The following C10orf90 variants were observed in gnomAD, a reference collection of about 807,000 sequenced individuals.
The protein encoded by C10orf90 is chromosome 10 open reading frame 90.
A neutral mutation model predicts 62.5 loss-of-function variants in C10orf90; 56 were observed. The ratio of observed to expected loss-of-function variants is 0.90; its 90% CI spans 0.72 to 1.12. C10orf90 has a LOEUF of 1.12. Ranked by LOEUF, C10orf90 falls within the 50% of genes most tolerant of loss-of-function variation. C10orf90 has a pLI of 0.00. For synonymous variants in C10orf90, 386 were observed against 340.4 expected (o/e 1.13, Z -1.47); for missense variants, 970 against 880.4 (o/e 1.10, Z -1.29).
chr10:126,538,916 A>T (rs138478465), intron 2 of C10orf90, among the ~76,000 whole-genome samples: 1 of 152,360 alleles, frequency 6.6e-6, no homozygotes, highest in African/African-American at 2.4e-5. Flanking sequence ...AGGCACGATG[A>T]AATATTTAAT....
At chr10:126,651,843 G>A (rs1040185233) in intron 1 of C10orf90, among the ~76,000 whole-genome samples, 14 of 152,326 alleles carry the variant, frequency 9.2e-5, no homozygotes, top group Middle Eastern at 6.8e-3. Context: ...GATAAAGATA[G>A]ACATTATTGG....
chr10:126,499,124 C>T (rs904467509), intron 4 of C10orf90, among the ~76,000 whole-genome samples: 3 of 152,190 alleles, frequency 2.0e-5, no homozygotes, highest in Middle Eastern at 3.2e-3. Flanking sequence ...TGGCAACAGC[C>T]ACATTTATGT....
intron 2 of C10orf90, among the ~76,000 whole-genome samples, chr10:126,584,010 C>T (rs905979820): frequency 6.6e-6 from 1 of 152,020 alleles, no homozygotes; most frequent in East Asian, 1.9e-4. Context: ...GTCCCAGCTA[C>T]CGGGGAGGCT....
chr10:126,573,781 A>G (rs959845814), intron 2 of C10orf90, among the ~76,000 whole-genome samples: 3 of 152,150 alleles, frequency 2.0e-5, no homozygotes, highest in Non-Finnish European at 4.4e-5. Flanking sequence ...AAAGTCTGGC[A>G]TGAGGAAACT....
At chr10:126,668,632 C>A (rs755242014) in intron 1 of C10orf90, among the ~76,000 whole-genome samples, 2 of 152,180 alleles carry the variant, frequency 1.3e-5, no homozygotes, top group African/African-American at 4.8e-5. Context: ...CAAATCCCAT[C>A]TGATGGTTTT....
intron 4 of C10orf90, among the ~76,000 whole-genome samples, chr10:126,492,681 T>A (rs565881386): frequency 6.6e-6 from 1 of 152,342 alleles, no homozygotes; most frequent in African/African-American, 2.4e-5. Flanking sequence ...GAACATTCAA[T>A]ATCTTTCTGA....
At chr10:126,584,798 A>C (rs1844827125) in intron 2 of C10orf90, among the ~76,000 whole-genome samples, 1 of 152,128 alleles carries the variant, frequency 6.6e-6, no homozygotes, top group Non-Finnish European at 1.5e-5. Flanking sequence ...AATTTCTCAC[A>C]ATTCTGATTC....
At chr10:126,489,998 TA>T (rs1861640176) in intron 4 of C10orf90, among the ~76,000 whole-genome samples, 1 of 88,956 alleles carries the variant, frequency 1.1e-5, no homozygotes, top group African/African-American at 4.7e-5. Context: ...TAATATATAT[TA>T]TATATTATAT....
At chr10:126,497,934 T>C (rs190697285) in intron 4 of C10orf90, among the ~76,000 whole-genome samples, 32 of 152,324 alleles carry the variant, frequency 2.1e-4, no homozygotes, top group Non-Finnish European at 2.1e-4. Context: ...TTCTTGTCCA[T>C]TCATCAGCTG....
intron 2 of C10orf90, chr10:126,520,444 C>T (rs1863681440): frequency 6.6e-6 from 1 of 152,356 alleles, no homozygotes; most frequent in African/African-American, 2.4e-5. Context: ...TAAACCCAGC[C>T]TGCTTCCCAC....
rs577533555 is a variant in C10orf90 at position 126,449,605 on chromosome 10, T to C, written c.2188+9435A>G. Among the ~76,000 whole-genome samples, 17 of 152,290 alleles carry C rather than the reference T, an allele frequency of 1.1e-4. No homozygotes were observed. In the East Asian group the frequency reaches 3.1e-3, roughly 28 times the overall value. The stretch of plus-strand genomic sequence containing the variant: ...GAAAGAGTGAACTCACCTCTGCAGA[T>C]GACATGATCTTATATGTAGAAACCC... On this transcript the variant is annotated intron_variant, in intron 7 of 9. Transcript: ENST00000488181.
In C10orf90 at chr10:126,504,014, C is replaced by A. The variant is rs756526430; in HGVS notation, c.1477G>T (p.Ala493Ser). The A allele has an allele frequency of 1.4e-5, 22 of 1,613,802 alleles. No individual in the cohort carries two copies. The Middle Eastern group carries it at 1.2e-3, about 88-fold the overall frequency. ...GACAGTTGGTTGGCATGATCGCTGG[C>A]GTGACAATGAGTTGTATGGTCCTTT... Reference protein sequence around the residue: ...GEKDHTTHCHASDHANQLSIH... With the variant: ...GEKDHTTHCHSSDHANQLSIH... Residue 493 changes from alanine (A) to serine (S), a missense_variant, in exon 4 of 10, where the codon GCC (alanine) becomes TCC (serine). By Grantham distance (99) the Ala-to-Ser change is moderately conservative (BLOSUM62 1). Transcript: ENST00000488181. This position sits in a 1 kb window ranked among gnomAD's most constrained non-coding sequence, Gnocchi z 4.1.
At chr10:126,586,945 C>T (rs1844884610) in intron 2 of C10orf90, among the ~76,000 whole-genome samples, 1 of 152,216 alleles carries the variant, frequency 6.6e-6, no homozygotes, top group Admixed American at 6.5e-5. Context: ...GGGTCCTCAA[C>T]GGTCTTCTCT....
rs570555311 is a variant in C10orf90 at position 126,504,733 on chromosome 10, C to A, written c.758G>T (p.Trp253Leu). ...GCACAGAGAGTCCCCAGCAGTCCCC[C>A]ACACCAGGGCGCGGGCTGGGGGGCC... is the stretch of plus-strand genomic sequence containing the variant. ...RVGPPARALV[W>L]GTAGDSLCPK... The change falls in exon 4 of 10, where the codon TGG becomes TTG. Residue 253 changes from tryptophan to leucine, a missense_variant. Transcript: ENST00000488181. The surrounding 1 kb of genome is among the most constrained non-coding windows in gnomAD (Gnocchi z 4.1). 3 of 1,600,640 alleles carry A rather than the reference C, an allele frequency of 1.9e-6. No individual in the cohort carries two copies. The highest frequency in any genetic ancestry group is 2.6e-6 in the Non-Finnish European group (3 of 1,172,492).
At chr10:126,517,058 A>G (rs1436801) in intron 2 of C10orf90, among the ~76,000 whole-genome samples, 135,250 of 151,860 alleles carry the variant, frequency 0.89, 60,453 homozygotes, top group African/African-American at 0.97. Flanking sequence ...CTTTGGCCAA[A>G]GTAACATATT....
chr10:126,437,479 G>A (rs760296391), intron 7 of C10orf90, among the ~76,000 whole-genome samples: 6 of 152,122 alleles, frequency 3.9e-5, no homozygotes, highest in Admixed American at 1.3e-4. Context: ...TTTGAGGACC[G>A]CTGTTACCTT....
chr10:126,659,206 C>T (rs1376635723), intron 1 of C10orf90, among the ~76,000 whole-genome samples: 3 of 152,206 alleles, frequency 2.0e-5, no homozygotes, highest in Admixed American at 6.5e-5. Context: ...AACAGGCTGC[C>T]TTGAAAACTA....
At chr10:126,429,747 C>T (rs1292995327) in intron 8 of C10orf90, 40 bp downstream of exon 8, 1 of 1,586,390 alleles carries the variant, frequency 6.3e-7, no homozygotes, top group Non-Finnish European at 8.7e-7. Flanking sequence ...ACCCTACTCC[C>T]CCCACCAACT....
intron 2 of C10orf90, among the ~76,000 whole-genome samples, chr10:126,532,842 C>CAAGAAAAAAAAAAAAAAAAAAA (rs1864134251): frequency 8.3e-5 from 1 of 12,102 alleles, no homozygotes; most frequent in Non-Finnish European, 1.4e-4. Context: ...GACTACGTCT[C>CAAGAAAAAAAAAAAAAAAAAAA]AAAAAAAAAA....
Sources: allele counts gnomAD v4.1 joint callset (sites outside exome capture counted in the v4.1 genomes callset), GRCh38; gene constraint gnomAD v4.1.1; non-coding constraint Gnocchi (gnomAD v3.1); transcripts MANE v1.5; gene names NCBI Gene and HGNC (gene_info 2026-07-23, HGNC 2026-07-21).